The following CCDC73 variants were observed in gnomAD, a reference collection of about 807,000 sequenced individuals.
CCDC73 encodes coiled-coil domain containing 73.
A neutral mutation model predicts 116.5 loss-of-function variants in CCDC73; 95 were observed. The ratio of observed to expected loss-of-function variants is 0.82; its 90% confidence interval spans 0.69 to 0.97. The LOEUF (loss-of-function observed/expected upper bound fraction) is 0.97. Ranked by LOEUF, CCDC73 falls within the 50% of genes least tolerant of loss-of-function variation. CCDC73 has a pLI of 0.00. For missense variants in CCDC73, 1,066 were observed against 1,206.8 expected (o/e 0.88, Z 1.73); for synonymous variants, 398 against 401.3 (o/e 0.99, Z 0.10).
chr11:32,818,769 T>G, the CCDC73 span, among the ~76,000 whole-genome samples: 1 of 152,232 alleles, frequency 6.6e-6, no homozygotes, highest in African/African-American at 2.4e-5. Flanking sequence ...GCACGTATGT[T>G]CTCTTTGAAA....
chr11:32,805,007 C>T, the CCDC73 span, among the ~76,000 whole-genome samples: 8 of 152,150 alleles, frequency 5.3e-5, no homozygotes, highest in Non-Finnish European at 8.8e-5. Flanking sequence ...GATACAGAGA[C>T]AAACCACCTT....
chr11:32,753,293 C>CTTTTTTTTTTTTTT (rs11309977), intron 2 of CCDC73, among the ~76,000 whole-genome samples: 1 of 127,806 alleles, frequency 7.8e-6, no homozygotes, highest in Non-Finnish European at 1.6e-5. Context: ...TTCTTTTCTG[C>CTTTTTTTTTTTTTT]TTTTTTTTTT....
At chr11:32,793,003 GTA>G (rs1271367623) in intron 1 of CCDC73, among the ~76,000 whole-genome samples, 1 of 151,352 alleles carries the variant, frequency 6.6e-6, no homozygotes, top group Non-Finnish European at 1.5e-5. Flanking sequence ...CACCGCACCT[GTA>G]CAGTTATTAC....
At chr11:32,761,511 G>A (rs145247340) in intron 1 of CCDC73, among the ~76,000 whole-genome samples, 4 of 152,268 alleles carry the variant, frequency 2.6e-5, no homozygotes, top group Admixed American at 6.5e-5. Context: ...AAAGGAAACT[G>A]CCACATTATT....
intron 1 of CCDC73, among the ~76,000 whole-genome samples, chr11:32,777,360 C>T (rs1280538340): frequency 1.3e-5 from 2 of 152,080 alleles, no homozygotes; most frequent in African/African-American, 4.8e-5. Context: ...CCACCTCAGC[C>T]TCCCAAAGTG....
the CCDC73 span, among the ~76,000 whole-genome samples, chr11:32,809,052 CT>C: frequency 6.6e-6 from 1 of 152,170 alleles, no homozygotes; most frequent in Non-Finnish European, 1.5e-5. Flanking sequence ...GTTTGACATT[CT>C]CCTAAAGGCC....
intron 14 of CCDC73, among the ~76,000 whole-genome samples, chr11:32,622,673 GAA>G (rs35050125): frequency 0.01 from 1,203 of 116,188 alleles, 22 homozygotes; most frequent in African/African-American, 0.031. Context: ...AAATAAAATT[GAA>G]AAAAAAAAAA....
Position 32,620,475 on chromosome 11 carries a change from G to C in CCDC73, c.1186-4346C>G, listed in dbSNP as rs1855513278. ...ATACAAAAAAAATTAGCCAGGCGTGGTGGCGGATGCCTGTAGTCCCACCTA... is the reference window on the plus strand; with the variant it reads ...ATACAAAAAAAATTAGCCAGGCGTGCTGGCGGATGCCTGTAGTCCCACCTA... On this transcript the variant is annotated intron_variant, in intron 14 of 17. Transcript: ENST00000335185. 2.0e-5 allele frequency among the ~76,000 whole-genome samples: 3 copies of C among 151,922 alleles called. 1 individual carries two copies. In the South Asian group the frequency reaches 6.2e-4, roughly 32 times the overall value.
At chr11:32,635,175 AATAAAACCC>A (rs1855666749) in intron 14 of CCDC73, among the ~76,000 whole-genome samples, 1 of 68,386 alleles carries the variant, frequency 1.5e-5, no homozygotes, top group Non-Finnish European at 3.3e-5. Context: ...CTCAATGCCA[AATAAAACCC>A]ACAGACTTTT....
At chr11:32,655,642 T>C (rs1855864789) in intron 9 of CCDC73, among the ~76,000 whole-genome samples, 2 of 152,174 alleles carry the variant, frequency 1.3e-5, no homozygotes, top group Admixed American at 1.3e-4. Context: ...GTCTAGAAAT[T>C]TGGCAGGATT....
intron 2 of CCDC73, among the ~76,000 whole-genome samples, chr11:32,740,611 A>G (rs1248381961): frequency 6.6e-6 from 1 of 151,520 alleles, no homozygotes; most frequent in Admixed American, 6.6e-5. Context: ...CAGTTTGTCA[A>G]TTTTATTTTT....
At chr11:32,817,781 CCAGTCAAAATCATA>C in the CCDC73 span, among the ~76,000 whole-genome samples, 1 of 152,216 alleles carries the variant, frequency 6.6e-6, no homozygotes, top group Non-Finnish European at 1.5e-5. Context: ...ACCCTATGAT[CCAGTCAAAATCATA>C]CAGTCATGCT....
chr11:32,723,444 AT>A (rs1850006597), intron 2 of CCDC73, among the ~76,000 whole-genome samples: 1 of 152,176 alleles, frequency 6.6e-6, no homozygotes, highest in African/African-American at 2.4e-5. Flanking sequence ...AGTGATTAGT[AT>A]TTTCTTAGAC....
At chr11:32,644,989 A>G (rs914472041) in intron 12 of CCDC73, among the ~76,000 whole-genome samples, 2 of 152,208 alleles carry the variant, frequency 1.3e-5, no homozygotes, top group Non-Finnish European at 2.9e-5. Flanking sequence ...GTTTGTTTAC[A>G]CATTGACCTC....
intron 13 of CCDC73, among the ~76,000 whole-genome samples, chr11:32,637,868 A>C (rs977322635): frequency 1.3e-5 from 2 of 152,196 alleles, no homozygotes; most frequent in Admixed American, 1.3e-4. Flanking sequence ...CTCTCCTAGG[A>C]GTAGATTAAC....
chr11:32,808,558 G>A, the CCDC73 span, among the ~76,000 whole-genome samples: 2 of 151,868 alleles, frequency 1.3e-5, no homozygotes, highest in African/African-American at 4.8e-5. Context: ...AGAATCGCTC[G>A]AACCTGGGAG....
chr11:32,627,247 A>G (rs1274612898), intron 14 of CCDC73, among the ~76,000 whole-genome samples: 2 of 152,250 alleles, frequency 1.3e-5, no homozygotes, highest in African/African-American at 4.8e-5. Context: ...CATCAGAGAA[A>G]TGCAAATCAA....
At chr11:32,647,727 C>T (rs1181850619) in intron 12 of CCDC73, among the ~76,000 whole-genome samples, 1 of 151,052 alleles carries the variant, frequency 6.6e-6, no homozygotes, top group Non-Finnish European at 1.5e-5. Flanking sequence ...GTTGCCCTCT[C>T]AATGAGGATA....
chr11:32,611,836 G>T (rs1400256056), intron 16 of CCDC73, among the ~76,000 whole-genome samples: 3 of 152,056 alleles, frequency 2.0e-5, no homozygotes, highest in African/African-American at 7.2e-5. Context: ...TTTACAAGTT[G>T]AATTTCTACA....
Sources: allele counts gnomAD v4.1 joint callset (sites outside exome capture counted in the v4.1 genomes callset), GRCh38; gene constraint gnomAD v4.1.1; transcripts MANE v1.5; gene names NCBI Gene and HGNC (gene_info 2026-07-23, HGNC 2026-07-21).